DYM: variants seen among roughly 807,000 people sequenced by gnomAD.
DYM encodes the protein dymeclin.
A neutral mutation model predicts 93.1 loss-of-function variants in DYM; 78 were observed. The observed-to-expected ratio is 0.84, with a 90% CI of 0.70 to 1.01. The LOEUF is 1.01. DYM is among the 50% of genes least tolerant of loss of function. DYM has a pLI of 0.00. For synonymous variants in DYM, 321 were observed against 319.7 expected (o/e 1.00, Z -0.04); for missense variants, 789 against 845.0 (o/e 0.93, Z 0.82).
At chr18:49,163,436 C>A (rs191709699) in intron 15 of DYM, among the ~76,000 whole-genome samples, 22 of 152,310 alleles carry the variant, frequency 1.4e-4, no homozygotes, top group African/African-American at 4.8e-4. Flanking sequence ...ACCTCTGCCT[C>A]CCGGATTCAA....
At chr18:49,080,075 C>T (rs2077692845) in intron 17 of DYM, among the ~76,000 whole-genome samples, 1 of 143,830 alleles carries the variant, frequency 7.0e-6, no homozygotes, top group South Asian at 2.3e-4. Context: ...AGAGGCGCCC[C>T]TCACCTCCCG....
chr18:49,180,352 A>G, intron 14 of DYM, among the ~76,000 whole-genome samples: 1 of 152,110 alleles, frequency 6.6e-6, no homozygotes, highest in East Asian at 1.9e-4. Context: ...ATTAGTTGTT[A>G]TTTTCATAAA....
rs549644509 is a variant in DYM at position 49,453,315 on chromosome 18, C to T, written c.-54+7083G>A. On this transcript the variant is annotated intron_variant, in intron 1 of 17. Coordinates refer to ENST00000675505, the MANE Select transcript of DYM (RefSeq NM_001353214.3). ...GATAAGGGAATAAAAGCAGGCTGCC[C>T]CAACCAGCAGTGGCAACCGGCTCAG... Among the ~76,000 whole-genome samples, 8 of 152,214 alleles carry T rather than the reference C, an allele frequency of 5.3e-5. No individual in the cohort carries two copies. The East Asian group carries it at 1.4e-3, about 26-fold the overall frequency.
intron 15 of DYM, among the ~76,000 whole-genome samples, chr18:49,152,161 A>T (rs1017768272): frequency 6.6e-6 from 1 of 152,204 alleles, no homozygotes; most frequent in Non-Finnish European, 1.5e-5. Flanking sequence ...AAGGAACATA[A>T]AAGTTTTTTA....
At position 49,292,797 on chromosome 18, in the gene DYM, A is replaced by G. The variant is rs1389526322; in HGVS notation, c.764-6181T>C. Among the ~76,000 whole-genome samples the G allele has an allele frequency of 2.0e-5, 3 of 152,046 alleles. No individual in the cohort carries two copies. In the East Asian group the frequency reaches 5.8e-4, roughly 29 times the overall value. On this transcript the variant is annotated intron_variant, in intron 8 of 17. Coordinates refer to ENST00000675505, the MANE Select transcript of DYM (RefSeq NM_001353214.3). ...AAAAACTAAAAACTAAAATTAACTA[A>G]AAGAACAAATCTGGTGTTGACAAGT...
At chr18:49,263,594 G>A (rs111637309) in intron 11 of DYM, among the ~76,000 whole-genome samples, 11,521 of 151,766 alleles carry the variant, frequency 0.076, 718 homozygotes, top group East Asian at 0.31. Flanking sequence ...ACCAGGCTTG[G>A]TGGCAGGCAC....
At chr18:49,064,089 G>C (rs996126577) in intron 17 of DYM, among the ~76,000 whole-genome samples, 1 of 152,096 alleles carries the variant, frequency 6.6e-6, no homozygotes, top group Non-Finnish European at 1.5e-5. Flanking sequence ...ACTCCCAAAA[G>C]GACTAGCCTT....
intron 2 of DYM, among the ~76,000 whole-genome samples, chr18:49,396,908 T>A (rs1227676748): frequency 6.6e-6 from 1 of 152,160 alleles, no homozygotes; most frequent in Non-Finnish European, 1.5e-5. Context: ...TACTGAAGGC[T>A]GGGTAGGACA....
chr18:49,237,243 T>G (rs1319893333), intron 13 of DYM, among the ~76,000 whole-genome samples: 11 of 152,170 alleles, frequency 7.2e-5, no homozygotes, highest in Non-Finnish European at 1.6e-4. Context: ...CATGAGTGAA[T>G]ATTTTCTTTC....
chr18:49,370,396 G>T (rs1266467959), intron 5 of DYM, among the ~76,000 whole-genome samples: 1 of 151,540 alleles, frequency 6.6e-6, no homozygotes, highest in Non-Finnish European at 1.5e-5. Context: ...CCCCCACTTT[G>T]TTGCTTTTAT....
At chr18:49,176,204 A>G (rs192176068) in intron 14 of DYM, among the ~76,000 whole-genome samples, 2 of 152,314 alleles carry the variant, frequency 1.3e-5, no homozygotes, top group East Asian at 1.9e-4. Context: ...TTAAAAAATG[A>G]TGTTACAAAA....
chr18:49,145,134 T>TATATATATATATATAC lies in DYM; in HGVS notation c.1728+18550_1728+18551insGTATATATATATATAT, dbSNP rs1555778609. Among the ~76,000 whole-genome samples, 2 of 79,574 alleles carry TATATATATATATATAC rather than the reference T, an allele frequency of 2.5e-5. 1 individual carries two copies. The highest frequency in any genetic ancestry group is 5.1e-5 in the Non-Finnish European group (2 of 39,416). The allele number at this position is 79,574 out of a possible 152,430, so 52.2% of individuals were successfully genotyped here. A position where few individuals can be genotyped will look rare whatever the true frequency, so the allele number is the denominator to read the frequency against. On this transcript the variant is annotated intron_variant, in intron 15 of 17. Transcript: ENST00000675505. ...ATATATATATATATATATATATATA[T>TATATATATATATATAC]AATTTATATATATAATATACAAATA...
chr18:49,217,251 A>G (rs1376706224), intron 13 of DYM, among the ~76,000 whole-genome samples: 1 of 152,230 alleles, frequency 6.6e-6, no homozygotes, highest in African/African-American at 2.4e-5. Context: ...ATATGGGACT[A>G]TGTGAAAAGA....
intron 13 of DYM, among the ~76,000 whole-genome samples, chr18:49,236,852 A>G (rs1191382969): frequency 6.6e-6 from 1 of 152,204 alleles, no homozygotes; most frequent in Non-Finnish European, 1.5e-5. Flanking sequence ...CTTTGCAAAT[A>G]TAACTTAGCA....
At chr18:49,295,689 C>T (rs951193524) in intron 8 of DYM, among the ~76,000 whole-genome samples, 2 of 152,124 alleles carry the variant, frequency 1.3e-5, no homozygotes, top group African/African-American at 2.4e-5. Context: ...CTGGTCTCTA[C>T]TAAAAGCCAA....
chr18:49,411,771 TG>T (rs1207967239), intron 2 of DYM: 2 of 152,206 alleles, frequency 1.3e-5, no homozygotes, highest in Non-Finnish European at 2.9e-5. Context: ...TTTATATTAA[TG>T]ATGTCAATTT....
chr18:49,214,945 C>G (rs2092958375), intron 13 of DYM, among the ~76,000 whole-genome samples: 1 of 152,136 alleles, frequency 6.6e-6, no homozygotes, highest in Non-Finnish European at 1.5e-5. Context: ...TCATCATGTG[C>G]AAGATCTATC....
chr18:49,390,348 GA>G (rs1358643513), intron 3 of DYM, among the ~76,000 whole-genome samples: 5 of 151,948 alleles, frequency 3.3e-5, no homozygotes, highest in African/African-American at 1.2e-4. Context: ...AAGGATCACT[GA>G]AGCCCAGGAG....
intron 15 of DYM, chr18:49,126,091 T>G (rs2082792374): frequency 6.6e-6 from 1 of 152,250 alleles, no homozygotes; most frequent in African/African-American, 2.4e-5. Context: ...TTTGTAATCC[T>G]TGCAACTAAT....
Sources: allele counts gnomAD v4.1 joint callset (sites outside exome capture counted in the v4.1 genomes callset), GRCh38; gene constraint gnomAD v4.1.1; transcripts MANE v1.5; gene names NCBI Gene and HGNC (gene_info 2026-07-23, HGNC 2026-07-21).